Variants in CNTN4 observed in about 807,000 individuals in gnomAD.
CNTN4 encodes the protein contactin 4.
Under a neutral mutation model 122.5 loss-of-function variants are expected in CNTN4, and 77 were observed. That is an observed-to-expected ratio of 0.63 (90% confidence interval 0.52 to 0.76). The LOEUF (loss-of-function observed/expected upper bound fraction) is 0.76, where lower values mean the gene tolerates loss of function less well. Ranked by LOEUF, CNTN4 falls within the 30% of genes least tolerant of loss-of-function variation. The pLI is 0.00. For missense variants in CNTN4, 1,256 were observed against 1,259.1 expected (o/e 1.00, Z 0.04); for synonymous variants, 512 against 447.0 (o/e 1.15, Z -1.83).
At chr3:3,018,500 ATGGTGAGG>A (rs1264673397) in intron 14 of CNTN4, among the ~76,000 whole-genome samples, 1 of 152,170 alleles carries the variant, frequency 6.6e-6, no homozygotes, top group East Asian at 1.9e-4. Flanking sequence ...AGGATGCAGA[ATGGTGAGG>A]TAGGTTGGAG....
chr3:2,903,154 C>G, intron 12 of CNTN4, 149 bp downstream of exon 12: 1 of 742,476 alleles, frequency 1.3e-6, no homozygotes, highest in South Asian at 1.8e-5. Context: ...AAGTAATAAG[C>G]AAGTCTATAA....
chr3:2,924,389 A>G (rs1207976409), intron 12 of CNTN4, among the ~76,000 whole-genome samples: 5 of 152,012 alleles, frequency 3.3e-5, no homozygotes, highest in Non-Finnish European at 5.9e-5. Context: ...TCAATTTTAC[A>G]TTCAACATGG....
intron 3 of CNTN4, among the ~76,000 whole-genome samples, chr3:2,339,989 C>T (rs2044120455): frequency 1.3e-5 from 2 of 152,178 alleles, no homozygotes; most frequent in Non-Finnish European, 2.9e-5. Context: ...ATCTCTGCCT[C>T]TATCTTCAGT....
At position 2,527,538 on chromosome 3, in the gene CNTN4, A is replaced by T. The variant is rs190122606; in HGVS notation, c.-88-43878A>T. Among the ~76,000 whole-genome samples the T allele has an allele frequency of 1.2e-4, 19 of 152,258 alleles. No homozygotes were observed. The East Asian group carries it at 2.9e-3, about 23-fold the overall frequency. ...ATCTGAAACGAGAAGTGTGTTGAGG[A>T]GATGGGATTTTCATATCGCCTGTTC... is the stretch of plus-strand genomic sequence containing the variant. On this transcript the variant is annotated intron_variant, in intron 3 of 24. Transcript: ENST00000418658.
At chr3:2,441,436 A>T (rs929144251) in intron 3 of CNTN4, among the ~76,000 whole-genome samples, 2 of 152,220 alleles carry the variant, frequency 1.3e-5, no homozygotes, top group Non-Finnish European at 2.9e-5. Context: ...TCCCAATATT[A>T]TCTGTCCCCG....
intron 6 of CNTN4, among the ~76,000 whole-genome samples, chr3:2,804,102 T>C (rs1412011601): frequency 7.7e-6 from 1 of 129,910 alleles, no homozygotes; most frequent in African/African-American, 3.3e-5. Context: ...CACACACGTA[T>C]GATAAAAACC....
At chr3:2,214,950 A>G (rs189512619) in intron 2 of CNTN4, among the ~76,000 whole-genome samples, 21 of 152,366 alleles carry the variant, frequency 1.4e-4, no homozygotes, top group Admixed American at 1.2e-3. Flanking sequence ...TAAATATTCA[A>G]AACATAATGT....
intron 4 of CNTN4, among the ~76,000 whole-genome samples, chr3:2,632,948 C>T (rs1013388741): frequency 1.3e-5 from 2 of 149,860 alleles, no homozygotes; most frequent in African/African-American, 4.9e-5. Context: ...TGAAAAATTA[C>T]AAGTAATAGT....
At chr3:2,149,217 C>A (rs904565953) in intron 2 of CNTN4, among the ~76,000 whole-genome samples, 2 of 152,030 alleles carry the variant, frequency 1.3e-5, no homozygotes, top group East Asian at 1.9e-4. Context: ...TCAGATTTGG[C>A]CAAGTAGTGG....
At chr3:2,507,832 G>A (rs936656846) in intron 3 of CNTN4, among the ~76,000 whole-genome samples, 8 of 149,538 alleles carry the variant, frequency 5.3e-5, no homozygotes, top group Non-Finnish European at 7.4e-5. Context: ...AAAATTAAAT[G>A]AGAAGTAACA....
intron 13 of CNTN4, among the ~76,000 whole-genome samples, chr3:2,977,014 C>T (rs1028431282): frequency 6.6e-6 from 1 of 152,136 alleles, no homozygotes; most frequent in African/African-American, 2.4e-5. Context: ...GTACTGTATC[C>T]GTATGTCAGC....
chr3:2,238,871 G>C (rs1232420442), intron 2 of CNTN4: 1 of 65,272 alleles, frequency 1.5e-5, no homozygotes, highest in Non-Finnish European at 3.3e-5. Flanking sequence ...GGGACTACAG[G>C]CGCCGCCACC....
intron 7 of CNTN4, among the ~76,000 whole-genome samples, chr3:2,831,744 T>C (rs2093110005): frequency 1.3e-5 from 2 of 152,190 alleles, no homozygotes; most frequent in Non-Finnish European, 2.9e-5. Flanking sequence ...GTTGATAACG[T>C]AGCATTTCAG....
At chr3:2,481,705 G>T (rs1177925433) in intron 3 of CNTN4, among the ~76,000 whole-genome samples, 1 of 152,022 alleles carries the variant, frequency 6.6e-6, no homozygotes, top group Non-Finnish European at 1.5e-5. Context: ...TTGTGGGGGG[G>T]ACCTTGTGGG....
chr3:2,764,185 A>G (rs947902448), intron 6 of CNTN4, among the ~76,000 whole-genome samples: 3 of 152,160 alleles, frequency 2.0e-5, no homozygotes, highest in Non-Finnish European at 4.4e-5. Flanking sequence ...TTCATGTTCT[A>G]GTATGGAAGG....
chr3:2,438,293 GC>G (rs1484770553), intron 3 of CNTN4, among the ~76,000 whole-genome samples: 1 of 152,178 alleles, frequency 6.6e-6, no homozygotes, highest in Non-Finnish European at 1.5e-5. Context: ...GCCGAGGCAG[GC>G]GGATCACCTG....
At chr3:2,250,344 A>G (rs1045697947) in intron 2 of CNTN4, among the ~76,000 whole-genome samples, 2 of 151,902 alleles carry the variant, frequency 1.3e-5, no homozygotes, top group Non-Finnish European at 2.9e-5. Flanking sequence ...TGTTTCTCCT[A>G]CGAAGAGCAG....
At chr3:2,299,301 A>C (rs2042419534) in intron 2 of CNTN4, among the ~76,000 whole-genome samples, 1 of 152,092 alleles carries the variant, frequency 6.6e-6, no homozygotes, top group African/African-American at 2.4e-5. Flanking sequence ...TGAATCTTTT[A>C]TTTTACTGGA....
chr3:2,435,323 T>A (rs887423787), intron 3 of CNTN4, among the ~76,000 whole-genome samples: 22 of 152,140 alleles, frequency 1.4e-4, no homozygotes, highest in African/African-American at 4.3e-4. Flanking sequence ...ACATAACCAA[T>A]GCACATTCTC....
Sources: allele counts gnomAD v4.1 joint callset (sites outside exome capture counted in the v4.1 genomes callset), GRCh38; gene constraint gnomAD v4.1.1; transcripts MANE v1.5; gene names NCBI Gene and HGNC (gene_info 2026-07-23, HGNC 2026-07-21).